The following RBFOX1 variants were observed in gnomAD, a reference collection of about 807,000 sequenced individuals.
RBFOX1 encodes the protein RNA binding fox-1 homolog 1.
RBFOX1 carries 8 observed loss-of-function variants against 57.7 expected under a neutral mutation model. The ratio of observed to expected loss-of-function variants is 0.14; its 90% CI spans 0.08 to 0.25. The LOEUF (loss-of-function observed/expected upper bound fraction) is 0.25, where lower values mean the gene tolerates loss of function less well. Ranked by LOEUF, RBFOX1 falls within the 10% of genes least tolerant of loss-of-function variation. RBFOX1 has a pLI of 1.00. For synonymous variants in RBFOX1, 326 were observed against 222.4 expected (o/e 1.47, Z -4.15); for missense variants, 611 against 548.5 (o/e 1.11, Z -1.14).
chr16:5,627,574 T>A (rs1261801053), intron 3 of RBFOX1, among the ~76,000 whole-genome samples: 1 of 152,152 alleles, frequency 6.6e-6, no homozygotes, highest in Non-Finnish European at 1.5e-5. Flanking sequence ...GCGACAACTT[T>A]ATAATAAATA....
rs1025792690 is a variant in RBFOX1 at position 7,597,440 on chromosome 16, A to C, written c.622+9A>C. Reference sequence around the variant, plus strand: ...CAACCCTTATACAAATGGTAAGTAGAGATTGGCCTTTTACAAGAAATTCTC... The same window carrying C: ...CAACCCTTATACAAATGGTAAGTAGCGATTGGCCTTTTACAAGAAATTCTC... On this transcript the variant is annotated intron_variant, in intron 9 of 15. Coordinates refer to ENST00000550418, the MANE Select transcript of RBFOX1 (RefSeq NM_018723.4). 1.3e-6 allele frequency: 2 copies of C among 1,591,622 alleles called. No individual in the cohort carries two copies. The highest frequency in any genetic ancestry group is 1.7e-6 in the Non-Finnish European group (2 of 1,164,400).
In RBFOX1 at chr16:7,229,375, T is replaced by C. The variant is rs549907888; in HGVS notation, c.27+177277T>C. Among the ~76,000 whole-genome samples, 17 of 152,248 alleles carry C rather than the reference T, an allele frequency of 1.1e-4. 1 individual carries two copies. The South Asian group carries it at 2.9e-3, about 26-fold the overall frequency. On this transcript the variant is annotated intron_variant, in intron 4 of 15. Transcript: ENST00000550418. ...TACATTAACCTTAAAGATAATGAAG[T>C]TTTGGTCCTTGCCCTATAAAGGATA...
intron 4 of RBFOX1, among the ~76,000 whole-genome samples, chr16:7,407,864 G>A (rs2098373305): frequency 1.3e-5 from 2 of 152,132 alleles, no homozygotes; most frequent in East Asian, 1.9e-4. Context: ...TCTGGCCTGC[G>A]GACTATTTTC....
intron 1 of RBFOX1, among the ~76,000 whole-genome samples, chr16:6,145,396 A>G (rs965793642): frequency 1.3e-5 from 2 of 152,106 alleles, no homozygotes; most frequent in African/African-American, 2.4e-5. Context: ...ATAGTATTCC[A>G]TGGTGTATAT....
chr16:6,747,928 C>T (rs1373185281), intron 3 of RBFOX1, among the ~76,000 whole-genome samples: 1 of 152,184 alleles, frequency 6.6e-6, no homozygotes, highest in Non-Finnish European at 1.5e-5. Context: ...ACGCTATCAA[C>T]TTCAGCATCA....
At chr16:6,831,398 T>C (rs764089509) in intron 3 of RBFOX1, among the ~76,000 whole-genome samples, 4 of 152,200 alleles carry the variant, frequency 2.6e-5, no homozygotes, top group Non-Finnish European at 5.9e-5. Context: ...TTGTGTTACC[T>C]ATGCAAAAAA....
At chr16:5,625,806 C>T (rs552193170) in intron 3 of RBFOX1, among the ~76,000 whole-genome samples, 3 of 152,216 alleles carry the variant, frequency 2.0e-5, no homozygotes, top group African/African-American at 7.2e-5. Flanking sequence ...GATCTGTCTG[C>T]CTCAGCCTCC....
intron 14 of RBFOX1, among the ~76,000 whole-genome samples, chr16:7,699,592 C>T (rs565789543): frequency 7.9e-5 from 12 of 152,066 alleles, no homozygotes; most frequent in Non-Finnish European, 1.5e-4. Context: ...CCAGTCCACA[C>T]CAGGATGAGT....
chr16:7,344,772 T>C (rs1258902455), intron 4 of RBFOX1, among the ~76,000 whole-genome samples: 1 of 152,148 alleles, frequency 6.6e-6, no homozygotes, highest in Non-Finnish European at 1.5e-5. Flanking sequence ...CAGCCAGGTG[T>C]CTGGCTGCAG....
intron 3 of RBFOX1, among the ~76,000 whole-genome samples, chr16:5,628,345 T>C (rs2048404917): frequency 6.6e-6 from 1 of 152,202 alleles, no homozygotes; most frequent in Non-Finnish European, 1.5e-5. Flanking sequence ...TTCTTTTTTA[T>C]TGCTTCTTTT....
intron 1 of RBFOX1, among the ~76,000 whole-genome samples, chr16:6,211,475 G>A (rs1214628065): frequency 3.9e-5 from 6 of 152,050 alleles, no homozygotes; most frequent in African/African-American, 7.2e-5. Context: ...TGATCCACCC[G>A]CCTCTGCCTC....
At chr16:7,620,104 T>G (rs1489047731) in intron 10 of RBFOX1, among the ~76,000 whole-genome samples, 3 of 152,252 alleles carry the variant, frequency 2.0e-5, no homozygotes, top group Non-Finnish European at 4.4e-5. Context: ...TAGCTATAAA[T>G]TTGCTATTTC....
At chr16:6,276,634 C>T (rs1156293620) in intron 1 of RBFOX1, among the ~76,000 whole-genome samples, 3 of 152,258 alleles carry the variant, frequency 2.0e-5, no homozygotes, top group South Asian at 2.1e-4. Flanking sequence ...TGAGCCTCCG[C>T]GCCCGGCTGA....
At chr16:6,074,274 T>C (rs2095870515) in intron 1 of RBFOX1, among the ~76,000 whole-genome samples, 1 of 152,116 alleles carries the variant, frequency 6.6e-6, no homozygotes, top group Non-Finnish European at 1.5e-5. Context: ...TCTCCCCCTC[T>C]CTGTTTCTTG....
chr16:6,797,509 C>T (rs890645884), intron 3 of RBFOX1, among the ~76,000 whole-genome samples: 2 of 152,132 alleles, frequency 1.3e-5, no homozygotes, highest in African/African-American at 2.4e-5. Context: ...TTGCTGATTT[C>T]AGGTTCCTGT....
intron 4 of RBFOX1, among the ~76,000 whole-genome samples, chr16:7,476,617 C>T (rs2062772494): frequency 6.6e-6 from 1 of 152,202 alleles, no homozygotes; most frequent in African/African-American, 2.4e-5. Context: ...TCTTCGGCAT[C>T]TCCAAGGGAT....
At position 6,019,761 on chromosome 16, in the gene RBFOX1, C is replaced by A; in HGVS notation, c.-358C>A. The A allele has an allele frequency of 7.1e-7, 1 of 1,404,160 alleles. No individual in the cohort carries two copies. Among genetic ancestry groups the A allele is most frequent in the East Asian group, 2.7e-5 (1 of 36,824 alleles). 87.0% of individuals were successfully genotyped at this position (1,404,160 alleles called of 1,614,324 possible). Reference sequence around the variant, plus strand: ...TGAGAGTCCTTGCGCTCCAGACCCCCACCCAGTGGCCGCCAGGGTCCCCGC... The same window carrying A: ...TGAGAGTCCTTGCGCTCCAGACCCCAACCCAGTGGCCGCCAGGGTCCCCGC... On this transcript the variant is annotated 5_prime_UTR_variant, in exon 1 of 16. Transcript: ENST00000550418. The surrounding 1 kb of genome is among the most constrained non-coding windows in gnomAD (Gnocchi z 4.2).
At chr16:5,255,166 A>C (rs2062552424) in intron 1 of RBFOX1, among the ~76,000 whole-genome samples, 1 of 152,268 alleles carries the variant, frequency 6.6e-6, no homozygotes, top group South Asian at 2.1e-4. Context: ...AAGGCTGACC[A>C]TTACCCATAA....
intron 2 of RBFOX1, among the ~76,000 whole-genome samples, chr16:6,482,772 G>A (rs2095392551): frequency 6.6e-6 from 1 of 152,140 alleles, no homozygotes; most frequent in Admixed American, 6.5e-5. Context: ...GCGGTGCTGG[G>A]GTCTTCGATG....
Sources: allele counts gnomAD v4.1 joint callset (sites outside exome capture counted in the v4.1 genomes callset), GRCh38; gene constraint gnomAD v4.1.1; non-coding constraint Gnocchi (gnomAD v3.1); transcripts MANE v1.5; gene names NCBI Gene and HGNC (gene_info 2026-07-23, HGNC 2026-07-21).